The following ARHGAP39 variants were observed in gnomAD, a reference collection of about 807,000 sequenced individuals.
The protein encoded by ARHGAP39 is rho GTPase-activating protein 39.
In ARHGAP39, 44 loss-of-function variants were observed where a neutral mutation model predicts 106.9. The observed-to-expected ratio is 0.41, with a 90% CI of 0.32 to 0.53. The LOEUF is 0.53. Ranked by LOEUF, ARHGAP39 falls within the 20% of genes least tolerant of loss-of-function variation. The probability of loss-of-function intolerance (pLI) is 0.21; values close to 1 mark genes in which losing one functional copy is unlikely to be tolerated. For synonymous variants in ARHGAP39, 768 were observed against 693.2 expected (o/e 1.11, Z -1.69); for missense variants, 1,496 against 1,577.3 (o/e 0.95, Z 0.87).
At chr8:144,570,654 A>T (rs1046952407) in intron 3 of ARHGAP39, among the ~76,000 whole-genome samples, 1 of 152,330 alleles carries the variant, frequency 6.6e-6, no homozygotes, top group South Asian at 2.1e-4. Flanking sequence ...CTATTCTAGG[A>T]GGAGACTTTA....
At chr8:144,619,948 A>G (rs1252130625) in intron 1 of ARHGAP39, among the ~76,000 whole-genome samples, 146 of 82,636 alleles carry the variant, frequency 1.8e-3, no homozygotes, top group Middle Eastern at 0.015. Flanking sequence ...CCCTGAGAGC[A>G]TGTGTGCCTG....
At position 144,628,655 on chromosome 8, in the gene ARHGAP39, C is replaced by T. The variant is rs137904729; in HGVS notation, c.-81-22960G>A. On this transcript the variant is annotated intron_variant, in intron 1 of 11. Coordinates refer to ENST00000377307, the MANE Select transcript of ARHGAP39 (RefSeq NM_025251.3). ...TAGAAGAACACAGATTCCCAACAGT[C>T]AATGAACCAACCAGGCTGGCCTGAC... Among the ~76,000 whole-genome samples, 4 of 152,330 alleles carry T rather than the reference C, an allele frequency of 2.6e-5. No homozygotes were observed. The East Asian group carries it at 7.7e-4, about 29-fold the overall frequency.
In ARHGAP39 at chr8:144,585,230, C is replaced by G. The variant is rs1434752040; in HGVS notation, c.81-3953G>C. Among the ~76,000 whole-genome samples the G allele has an allele frequency of 1.3e-5, 2 of 152,320 alleles. No homozygotes were observed. Among genetic ancestry groups the G allele is most frequent in the African/African-American group, 4.8e-5 (2 of 41,570 alleles). ...CCTCTGCCGGTCCCAGCTCCAGATG[C>G]AATGGCAGACTCACTCTTCTTCCCA... On this transcript the variant is annotated intron_variant, in intron 2 of 11. Transcript: ENST00000377307. This position sits in a 1 kb window ranked among gnomAD's most constrained non-coding sequence, Gnocchi z 4.6.
intron 3 of ARHGAP39, among the ~76,000 whole-genome samples, chr8:144,567,711 T>C (rs976083737): frequency 6.6e-6 from 1 of 152,182 alleles, no homozygotes; most frequent in African/African-American, 2.4e-5. Flanking sequence ...GTACTAAAAG[T>C]CTCTGATATG....
upstream of ARHGAP39, among the ~76,000 whole-genome samples, chr8:144,689,213 G>T (rs1187420200): frequency 6.6e-6 from 1 of 152,088 alleles, no homozygotes; most frequent in Non-Finnish European, 1.5e-5. Flanking sequence ...CGCATCACAG[G>T]GTGCCTGCAA....
intron 1 of ARHGAP39, among the ~76,000 whole-genome samples, chr8:144,630,303 G>A (rs1821029131): frequency 6.6e-6 from 1 of 152,230 alleles, no homozygotes; most frequent in South Asian, 2.1e-4. Context: ...TTGAAACCAT[G>A]CCTGTCTGGA....
intron 2 of ARHGAP39, among the ~76,000 whole-genome samples, chr8:144,589,275 A>G (rs184653941): frequency 1.3e-5 from 2 of 152,370 alleles, no homozygotes; most frequent in Admixed American, 6.5e-5. Flanking sequence ...TGTTAATTTT[A>G]TACTCTATAA....
intron 3 of ARHGAP39, among the ~76,000 whole-genome samples, chr8:144,571,984 C>T (rs1000143032): frequency 6.6e-6 from 1 of 152,100 alleles, no homozygotes; most frequent in East Asian, 1.9e-4. Context: ...AATAAGAGGA[C>T]ACAAACAAAT....
chr8:144,686,877 A>G (rs1822602716), upstream of ARHGAP39, among the ~76,000 whole-genome samples: 1 of 152,116 alleles, frequency 6.6e-6, no homozygotes, highest in African/African-American at 2.4e-5. Flanking sequence ...TAAACTTGTG[A>G]CAACACACTG....
At chr8:144,613,985 A>C (rs1820565964) in intron 1 of ARHGAP39, among the ~76,000 whole-genome samples, 3 of 152,170 alleles carry the variant, frequency 2.0e-5, no homozygotes, top group South Asian at 4.1e-4. Flanking sequence ...GAGAGTGTCT[A>C]CTGCTTCATC....
At chr8:144,532,448 A>G in intron 9 of ARHGAP39, 52 bp from the exon 10 acceptor site, 1 of 1,530,494 alleles carries the variant, frequency 6.5e-7, no homozygotes, top group Non-Finnish European at 9.0e-7. Context: ...CTGCGGCTTC[A>G]TGATTCCGCC....
intron 1 of ARHGAP39, among the ~76,000 whole-genome samples, chr8:144,637,882 G>A (rs1427856957): frequency 2.0e-5 from 3 of 149,534 alleles, no homozygotes; most frequent in Non-Finnish European, 3.0e-5. Context: ...TTTTTTTAGA[G>A]AGGGGTCTTG....
At chr8:144,594,045 C>G (rs945039214) in intron 2 of ARHGAP39, among the ~76,000 whole-genome samples, 4 of 140,740 alleles carry the variant, frequency 2.8e-5, no homozygotes, top group Non-Finnish European at 4.5e-5. Flanking sequence ...GCCGAGATCA[C>G]AGCACTGCAC....
intron 2 of ARHGAP39, among the ~76,000 whole-genome samples, chr8:144,601,199 T>A (rs946819980): frequency 6.9e-6 from 1 of 145,968 alleles, no homozygotes; most frequent in Non-Finnish European, 1.5e-5. Context: ...TGTACCTGTG[T>A]GCATGTGCGT....
chr8:144,662,989 T>C lies in ARHGAP39; in HGVS notation c.-82+22697A>G, dbSNP rs186650275. Among the ~76,000 whole-genome samples the C allele has an allele frequency of 4.5e-3, 638 of 141,156 alleles. 6 individuals are homozygous for C. Among genetic ancestry groups the C allele is most frequent in the African/African-American group, 0.016 (597 of 37,150 alleles). 92.6% of individuals were successfully genotyped at this position (141,156 alleles called of 152,430 possible). On this transcript the variant is annotated intron_variant, in intron 1 of 11. Coordinates refer to ENST00000377307, the MANE Select transcript of ARHGAP39 (RefSeq NM_025251.3). ...CACTCCCTTCTCCCCATTATTCACC[T>C]TGGACCAGTCCTCCCCATTTTCCAC...
chr8:144,651,008 C>T (rs1821561456), intron 1 of ARHGAP39, among the ~76,000 whole-genome samples: 1 of 152,184 alleles, frequency 6.6e-6, no homozygotes, highest in South Asian at 2.1e-4. Flanking sequence ...CCCATCGTCT[C>T]AGCCCAAAAG....
At chr8:144,540,096 C>G (rs898808133) in intron 6 of ARHGAP39, among the ~76,000 whole-genome samples, 2 of 152,176 alleles carry the variant, frequency 1.3e-5, no homozygotes, top group Non-Finnish European at 2.9e-5. Context: ...TCTTACATGT[C>G]CTTTGTCAGA....
At chr8:144,665,080 G>C (rs1330088733) in intron 1 of ARHGAP39, among the ~76,000 whole-genome samples, 2 of 152,232 alleles carry the variant, frequency 1.3e-5, no homozygotes, top group Non-Finnish European at 2.9e-5. Flanking sequence ...GGTGGTCTCA[G>C]ATGGAGATAA....
intron 1 of ARHGAP39, among the ~76,000 whole-genome samples, chr8:144,624,205 C>A (rs898703683): frequency 6.6e-6 from 1 of 152,230 alleles, no homozygotes; most frequent in Non-Finnish European, 1.5e-5. Flanking sequence ...ATGTTAGCCC[C>A]AGTGACTTGG....
Sources: allele counts gnomAD v4.1 joint callset (sites outside exome capture counted in the v4.1 genomes callset), GRCh38; gene constraint gnomAD v4.1.1; non-coding constraint Gnocchi (gnomAD v3.1); transcripts MANE v1.5; gene names NCBI Gene and HGNC (gene_info 2026-07-23, HGNC 2026-07-21).